The following UFD1 variants were observed in gnomAD, a reference collection of about 807,000 sequenced individuals.
The protein encoded by UFD1 is ubiquitin recognition factor in ER-associated degradation protein 1.
Under a neutral mutation model 45.9 loss-of-function variants are expected in UFD1, and 13 were observed. The ratio of observed to expected loss-of-function variants is 0.28; its 90% CI spans 0.18 to 0.45. UFD1 has a LOEUF of 0.45. Ranked by LOEUF, UFD1 falls within the 20% of genes least tolerant of loss-of-function variation. The pLI, the probability that UFD1 is intolerant of heterozygous loss-of-function variation, is 1.00. For synonymous variants in UFD1, 128 were observed against 139.2 expected, an observed-to-expected ratio of 0.92 and a Z score of 0.56; for missense variants, 218 against 389.2, an observed-to-expected ratio of 0.56 and a Z score of 3.70.
chr22:19,461,040 A>C (rs8137899), intron 6 of UFD1, among the ~76,000 whole-genome samples: 1 of 151,968 alleles, frequency 6.6e-6, no homozygotes, highest in African/African-American at 2.4e-5. Context: ...CCAGGTGTGA[A>C]CCACGGTGTC....
intron 3 of UFD1, among the ~76,000 whole-genome samples, chr22:19,473,797 G>C (rs2089862619): frequency 6.6e-6 from 1 of 152,228 alleles, no homozygotes; most frequent in Non-Finnish European, 1.5e-5. Context: ...GAGAGGTCAA[G>C]TTGCTACTCT....
Position 19,471,435 on chromosome 22 carries a change from T to G in UFD1, c.291+252A>C, listed in dbSNP as rs2089844588. 9.6e-6 allele frequency: 7 copies of G among 732,410 alleles called. No individual in the cohort carries two copies. The East Asian group carries it at 1.9e-4, about 19-fold the overall frequency. 45.4% of individuals were successfully genotyped at this position (732,410 alleles called of 1,614,324 possible). A position where few individuals can be genotyped will look rare whatever the true frequency, so the allele number is the denominator to read the frequency against. On this transcript the variant is annotated intron_variant, in intron 4 of 11. Transcript: ENST00000263202. Reference sequence around the variant, plus strand: ...ACCCAGGAAATCACAGATGAACAGTTCAGCTGCGCAACTATCAAAGAAAAG... The same window carrying G: ...ACCCAGGAAATCACAGATGAACAGTGCAGCTGCGCAACTATCAAAGAAAAG...
intron 9 of UFD1, chr22:19,456,383 T>C: frequency 1.5e-6 from 1 of 651,668 alleles, no homozygotes. Flanking sequence ...GGCTGCCTTA[T>C]GGGGCTGTTG....
chr22:19,474,892 C>T (rs1280660813), intron 3 of UFD1, among the ~76,000 whole-genome samples, 176 bp downstream of exon 3: 2 of 152,168 alleles, frequency 1.3e-5, no homozygotes, highest in Non-Finnish European at 2.9e-5. Context: ...GCCCTGGCCT[C>T]GCCCTAGGTA....
chr22:19,476,648 A>T (rs2089883675), intron 1 of UFD1, among the ~76,000 whole-genome samples: 1 of 147,430 alleles, frequency 6.8e-6, no homozygotes, highest in Non-Finnish European at 1.5e-5. Context: ...ATAATACTGA[A>T]ATCTATACAT....
rs1477309190 is a variant in UFD1 at position 19,450,329 on chromosome 22, A to G, written c.*341T>C. 8.6e-6 allele frequency: 2 copies of G among 232,338 alleles called. No homozygotes were observed. Among genetic ancestry groups the G allele is most frequent in the Admixed American group, 1.0e-4 (2 of 19,702 alleles). 14.4% of individuals were successfully genotyped at this position (232,338 alleles called of 1,614,324 possible). ...AAGAAAGAACACTTCATGTTAGACA[A>G]TTTAGTCACCTTCATAGGTTTTGAC... On this transcript the variant is annotated 3_prime_UTR_variant, in exon 12 of 12. Coordinates refer to ENST00000263202, the MANE Select transcript of UFD1 (RefSeq NM_005659.7).
chr22:19,470,187 C>T (rs2089833490), intron 4 of UFD1: 1 of 431,760 alleles, frequency 2.3e-6, no homozygotes, highest in Non-Finnish European at 4.7e-6. Flanking sequence ...CCAATCTGGG[C>T]TTTGAGGCAT....
intron 9 of UFD1, chr22:19,456,358 A>G: frequency 1.7e-6 from 1 of 605,330 alleles, no homozygotes; most frequent in East Asian, 2.8e-5. Context: ...TAGGTTAGAA[A>G]TTCTTAAAAA....
At position 19,454,763 on chromosome 22, in the gene UFD1, T is replaced by G. The variant is rs769199616; in HGVS notation, c.835A>C (p.Lys279Gln). ...TFIRNSRPLVKKVEEDEAGGR... is the reference protein window; with the variant it reads ...TFIRNSRPLVQKVEEDEAGGR... The stretch of plus-strand genomic sequence containing the variant: ...AATACACTCACCTCTTCAACCTTTT[T>G]GACAAGGGGACGTGAATTTCTGATG... Residue 279 changes from lysine to glutamine, a missense_variant, in exon 11 of 12, where the codon AAA becomes CAA. Lys to Gln is a moderately conservative substitution (Grantham distance 53). Transcript: ENST00000263202. The G allele has an allele frequency of 3.1e-6, 5 of 1,614,010 alleles. No individual in the cohort carries two copies. The highest frequency in any genetic ancestry group is 4.2e-6 in the Non-Finnish European group (5 of 1,180,018).
intron 1 of UFD1, 83 bp downstream of exon 1, chr22:19,479,000 T>TGCCCC: frequency 1.2e-4 from 180 of 1,477,844 alleles, no homozygotes; most frequent in Non-Finnish European, 1.4e-4. Context: ...TCCGCCGCCG[T>TGCCCC]CCCGCCCCGC....
At chr22:19,463,445 T>C (rs965821187) in intron 6 of UFD1, among the ~76,000 whole-genome samples, 2 of 152,250 alleles carry the variant, frequency 1.3e-5, no homozygotes, top group Non-Finnish European at 2.9e-5. Flanking sequence ...TATTTTACAT[T>C]TGTATCTAGA....
chr22:19,455,615 G>A, intron 10 of UFD1, 65 bp downstream of exon 10: 2 of 1,528,874 alleles, frequency 1.3e-6, no homozygotes, highest in Non-Finnish European at 9.0e-7. Flanking sequence ...GGGTGAGGCT[G>A]CCCGACCCCA....
intron 2 of UFD1, 61 bp downstream of exon 2, chr22:19,475,409 G>T: frequency 6.2e-7 from 1 of 1,600,132 alleles, no homozygotes; most frequent in Non-Finnish European, 8.5e-7. Context: ...ACTGTTGAAG[G>T]CTACAGCATT....
intron 5 of UFD1, chr22:19,467,099 G>C (rs2089807854): frequency 6.6e-6 from 1 of 151,690 alleles, no homozygotes; most frequent in African/African-American, 2.4e-5. Flanking sequence ...CATGCGGAGA[G>C]AGCGCTACTG....
At position 19,450,085 on chromosome 22, in the gene UFD1, A is replaced by T. The variant is rs1281314494; in HGVS notation, c.*585T>A. ...AGTTATGTCCATATGAAATGAGAAT[A>T]AAAGTGCAAACTCATTCAGATCAGG... On this transcript the variant is annotated 3_prime_UTR_variant, in exon 12 of 12. Coordinates refer to ENST00000263202, the MANE Select transcript of UFD1 (RefSeq NM_005659.7). The T allele has an allele frequency of 6.6e-6, 1 of 152,392 alleles. No individual in the cohort carries two copies. Among genetic ancestry groups the T allele is most frequent in the Non-Finnish European group, 1.5e-5 (1 of 68,162 alleles). The allele number at this position is 152,392 out of a possible 1,614,324, so 9.4% of individuals were successfully genotyped here.
At position 19,479,167 on chromosome 22, in the gene UFD1, G is replaced by A. The variant is rs1014976404; in HGVS notation, c.-82C>T. ...GCCGACCGCTCTCCCAGCCGCCGCT[G>A]CCGCTGCCGCCGCGCCAAGCCGGTA... is the stretch of plus-strand genomic sequence containing the variant. On this transcript the variant is annotated 5_prime_UTR_variant, in exon 1 of 12. Coordinates refer to ENST00000263202, the MANE Select transcript of UFD1 (RefSeq NM_005659.7). 1 of 1,567,068 alleles carries A rather than the reference G, an allele frequency of 6.4e-7. No individual in the cohort carries two copies. Among genetic ancestry groups the A allele is most frequent in the Admixed American group, 1.9e-5 (1 of 52,050 alleles).
intron 4 of UFD1, among the ~76,000 whole-genome samples, chr22:19,469,045 G>C (rs2089824884): frequency 6.6e-6 from 1 of 152,182 alleles, no homozygotes; most frequent in African/African-American, 2.4e-5. Context: ...GGATAGGCTT[G>C]CAGAGGACCC....
At chr22:19,475,191 G>C in intron 2 of UFD1, 91 bp from the exon 3 acceptor site, 1 of 1,328,498 alleles carries the variant, frequency 7.5e-7, no homozygotes. Context: ...CTAACAAAAA[G>C]CCTTAAACTG....
chr22:19,460,858 G>A (rs541686724), intron 6 of UFD1, among the ~76,000 whole-genome samples: 26 of 148,292 alleles, frequency 1.8e-4, no homozygotes, highest in Non-Finnish European at 3.3e-4. Context: ...TGATCCTCCC[G>A]CCTCAGCCTC....
Sources: gnomAD v4.1 joint callset for allele counts (sites outside exome capture counted in the v4.1 genomes callset) on GRCh38, gnomAD v4.1.1 for gene constraint, MANE v1.5 for transcripts, NCBI Gene and HGNC (gene_info 2026-07-23, HGNC 2026-07-21) for gene names.